The following DIAPH3 variants were observed in gnomAD, a reference collection of about 807,000 sequenced individuals.
The protein encoded by DIAPH3 is protein diaphanous homolog 3.
A neutral mutation model predicts 144.3 loss-of-function variants in DIAPH3; 117 were observed. That is an observed-to-expected ratio of 0.81 (90% CI 0.70 to 0.95). DIAPH3 has a LOEUF of 0.95. DIAPH3 is among the 40% of genes least tolerant of loss of function. The probability of loss-of-function intolerance (pLI) is 0.00; values close to 1 mark genes in which losing one functional copy is unlikely to be tolerated. For missense variants in DIAPH3, 1,421 were observed against 1,412.7 expected, an observed-to-expected ratio of 1.01 and a Z score of -0.09; for synonymous variants, 519 against 488.9, an observed-to-expected ratio of 1.06 and a Z score of -0.81.
intron 17 of DIAPH3, among the ~76,000 whole-genome samples, chr13:59,933,131 AT>A (rs1173590758): frequency 6.6e-6 from 1 of 152,204 alleles, no homozygotes; most frequent in Admixed American, 6.5e-5. Flanking sequence ...ACAAAATACT[AT>A]TTCTGCTAGC....
chr13:59,690,937 A>C (rs942133773), intron 27 of DIAPH3, among the ~76,000 whole-genome samples: 32 of 152,162 alleles, frequency 2.1e-4, no homozygotes, highest in Admixed American at 3.9e-4. Flanking sequence ...TATGGGAAAA[A>C]ATACTGCAGA....
intron 1 of DIAPH3, 121 bp downstream of exon 1, chr13:60,163,466 C>A: frequency 1.5e-6 from 2 of 1,366,672 alleles, no homozygotes; most frequent in Admixed American, 2.2e-5. Flanking sequence ...AATCTATGAT[C>A]TTTGGCACCT....
At chr13:59,716,581 C>T (rs1344573068) in intron 27 of DIAPH3, among the ~76,000 whole-genome samples, 3 of 152,194 alleles carry the variant, frequency 2.0e-5, no homozygotes, top group Admixed American at 2.0e-4. Context: ...ACACTAAACC[C>T]TTCATATGCT....
intron 7 of DIAPH3, chr13:60,013,009 AC>A: frequency 2.0e-6 from 2 of 985,428 alleles, no homozygotes; most frequent in Non-Finnish European, 2.4e-6. Context: ...GCAAAACAAA[AC>A]AAAAACTGTT....
intron 27 of DIAPH3, among the ~76,000 whole-genome samples, chr13:59,681,469 C>G (rs2032942950): frequency 6.6e-6 from 1 of 151,958 alleles, no homozygotes. Flanking sequence ...AGAGTGAGAG[C>G]CTCTCTCAAA....
At chr13:60,016,880 T>C (rs2053686542) in intron 5 of DIAPH3, among the ~76,000 whole-genome samples, 1 of 152,136 alleles carries the variant, frequency 6.6e-6, no homozygotes, top group South Asian at 2.1e-4. Context: ...TTACTGTCAC[T>C]AGACAACAGC....
At position 59,924,954 on chromosome 13, in the gene DIAPH3, T is replaced by C. The variant is rs376587826; in HGVS notation, c.2075-84A>G. ...AAAAAGTGAACTTTTTATCATTAAATAAGCTAAAAAGGATGTAACTCTTCT... is the reference window on the plus strand; with the variant it reads ...AAAAAGTGAACTTTTTATCATTAAACAAGCTAAAAAGGATGTAACTCTTCT... On this transcript the variant is annotated intron_variant, in intron 17 of 27. Transcript: ENST00000400324. The C allele has an allele frequency of 1.9e-5, 28 of 1,508,610 alleles. No homozygotes were observed. The East Asian group carries it at 2.7e-4, about 15-fold the overall frequency. The allele number at this position is 1,508,610 out of a possible 1,614,324, so 93.5% of individuals were successfully genotyped here. A position where few individuals can be genotyped will look rare whatever the true frequency, so the allele number is the denominator to read the frequency against.
intron 22 of DIAPH3, among the ~76,000 whole-genome samples, chr13:59,852,285 C>T (rs756561454): frequency 3.9e-5 from 6 of 152,068 alleles, no homozygotes; most frequent in East Asian, 1.9e-4. Flanking sequence ...TTCCTATGAG[C>T]GTGAATAAAT....
chr13:59,916,310 G>A, intron 18 of DIAPH3, 61 bp from the exon 19 acceptor site: 2 of 1,231,596 alleles, frequency 1.6e-6, no homozygotes, highest in South Asian at 2.5e-5. Context: ...TATTTCAGAT[G>A]TAGTTCTATT....
At chr13:59,957,717 A>T (rs2049492638) in intron 17 of DIAPH3, among the ~76,000 whole-genome samples, 1 of 152,234 alleles carries the variant, frequency 6.6e-6, no homozygotes, top group Non-Finnish European at 1.5e-5. Context: ...GATACAGAAG[A>T]TACAAAATGA....
At chr13:59,675,919 A>G (rs1172288444) in intron 27 of DIAPH3, among the ~76,000 whole-genome samples, 1 of 152,222 alleles carries the variant, frequency 6.6e-6, no homozygotes, top group Non-Finnish European at 1.5e-5. Context: ...TGCGAGCTGT[A>G]TTAGAAACTA....
intron 17 of DIAPH3, among the ~76,000 whole-genome samples, chr13:59,932,798 A>G (rs2048084375): frequency 6.6e-6 from 1 of 152,240 alleles, no homozygotes; most frequent in Admixed American, 6.5e-5. Context: ...ACAAAGGGAT[A>G]CAAAGAAGCA....
chr13:59,897,525 G>A (rs1377781987), intron 20 of DIAPH3, among the ~76,000 whole-genome samples: 11 of 150,858 alleles, frequency 7.3e-5, no homozygotes, highest in East Asian at 2.0e-4. Context: ...CGAGGGGGGC[G>A]GATCACAAGG....
At chr13:60,046,267 A>T (rs1436929705) in intron 4 of DIAPH3, among the ~76,000 whole-genome samples, 18 of 152,218 alleles carry the variant, frequency 1.2e-4, no homozygotes, top group Admixed American at 1.2e-3. Context: ...TTATCACTGA[A>T]TAGGATATTA....
At chr13:60,160,731 T>A (rs1051123866) in intron 1 of DIAPH3, among the ~76,000 whole-genome samples, 2 of 152,198 alleles carry the variant, frequency 1.3e-5, no homozygotes, top group Non-Finnish European at 2.9e-5. Context: ...CCAGTAGCTA[T>A]CCCTACCATC....
intron 27 of DIAPH3, among the ~76,000 whole-genome samples, chr13:59,683,257 T>C (rs1322801815): frequency 1.3e-5 from 2 of 152,160 alleles, no homozygotes; most frequent in Non-Finnish European, 2.9e-5. Flanking sequence ...TTGTGTTGAG[T>C]AGTCAGTCAA....
At chr13:59,994,367 T>C (rs1014535416) in intron 9 of DIAPH3, among the ~76,000 whole-genome samples, 4 of 151,900 alleles carry the variant, frequency 2.6e-5, no homozygotes, top group Non-Finnish European at 4.4e-5. Flanking sequence ...TTATACATAA[T>C]GAGATACATA....
chr13:60,046,904 C>G (rs781529083), intron 4 of DIAPH3, among the ~76,000 whole-genome samples: 3 of 151,714 alleles, frequency 2.0e-5, no homozygotes, highest in Non-Finnish European at 4.4e-5. Context: ...TGTTCTCACT[C>G]ATAAGTTGGA....
At chr13:59,697,491 A>AAAAAAAAAAAAAC (rs1555274392) in intron 27 of DIAPH3, among the ~76,000 whole-genome samples, 1 of 78,022 alleles carries the variant, frequency 1.3e-5, no homozygotes, top group Non-Finnish European at 2.5e-5. Context: ...AAAAAAAAAA[A>AAAAAAAAAAAAAC]AAGAAGAGGG....
Sources: allele counts gnomAD v4.1 joint callset (sites outside exome capture counted in the v4.1 genomes callset), GRCh38; gene constraint gnomAD v4.1.1; transcripts MANE v1.5; gene names NCBI Gene and HGNC (gene_info 2026-07-23, HGNC 2026-07-21).